IFT122: variants seen among roughly 807,000 people sequenced by gnomAD.
IFT122 encodes the protein intraflagellar transport protein 122 homolog.
IFT122 carries 118 observed loss-of-function variants against 161.6 expected under a neutral mutation model. That is an observed-to-expected ratio of 0.73 (90% CI 0.63 to 0.85). The LOEUF (loss-of-function observed/expected upper bound fraction) is 0.85. IFT122 is among the 40% of genes least tolerant of loss of function. The probability of loss-of-function intolerance (pLI) is 0.00; values close to 1 mark genes in which losing one functional copy is unlikely to be tolerated. For missense variants in IFT122, 1,381 were observed against 1,579.6 expected, an observed-to-expected ratio of 0.87 and a Z score of 2.13; for synonymous variants, 550 against 602.4, an observed-to-expected ratio of 0.91 and a Z score of 1.27.
chr3:129,483,107 C>T (rs1464652327), intron 14 of IFT122, among the ~76,000 whole-genome samples: 1 of 132,902 alleles, frequency 7.5e-6, no homozygotes, highest in Non-Finnish European at 1.7e-5. Context: ...CACTGCCCCT[C>T]CCTCTACACA....
chr3:129,440,348 G>A lies in IFT122; in HGVS notation c.18G>A (p.Thr6=). ...AAGCCGTGATGAGGGCCGTGTTGAC[G>A]TGGAGAGATAAAGCCGAGCACTGGT... MRAVL[T]WRDKAEHCIN... is the part of the protein sequence containing the mutation. Residue 6 remains threonine, a synonymous_variant, in exon 1 of 30, where the codon ACG becomes ACA. Coordinates refer to ENST00000348417, the MANE Select transcript of IFT122 (RefSeq NM_052989.3). The A allele has an allele frequency of 1.1e-5, 17 of 1,550,930 alleles. No homozygotes were observed. The highest frequency in any genetic ancestry group is 1.5e-5 in the Non-Finnish European group (17 of 1,146,850).
chr3:129,480,048 T>C, intron 13 of IFT122, 126 bp downstream of exon 13: 1 of 1,203,650 alleles, frequency 8.3e-7, no homozygotes, highest in Non-Finnish European at 1.2e-6. Context: ...CATGGGTGAA[T>C]TGTGGGGCAG....
intron 1 of IFT122, among the ~76,000 whole-genome samples, chr3:129,441,682 G>A (rs1340857211): frequency 6.6e-6 from 1 of 152,096 alleles, no homozygotes; most frequent in Non-Finnish European, 1.5e-5. Context: ...AATGGGAGAT[G>A]TTTATTTGCA....
Position 129,440,281 on chromosome 3 carries a change from G to T in IFT122, c.-50G>T. 1 of 1,549,174 alleles carries T rather than the reference G, an allele frequency of 6.5e-7. No individual in the cohort carries two copies. Among genetic ancestry groups the T allele is most frequent in the South Asian group, 1.2e-5 (1 of 83,982 alleles). ...CGACCGTTAGTGAGGCGGTTGCTGA[G>T]ACAGACGCTGAGGCGGGTAGGAGGA... On this transcript the variant is annotated 5_prime_UTR_variant, in exon 1 of 30. Transcript: ENST00000348417.
chr3:129,515,517 C>T lies in IFT122; in HGVS notation c.3183C>T (p.Ser1061=). The T allele has an allele frequency of 6.4e-7, 1 of 1,563,742 alleles. No homozygotes were observed. The highest frequency in any genetic ancestry group is 8.8e-7 in the Non-Finnish European group (1 of 1,137,648). ...EELVPLCYRC[S]TNNPLLNNLG... The stretch of plus-strand genomic sequence containing the variant: ...TGGTGCCCTTGTGCTACCGCTGCTC[C>T]ACCAACAACCCGCTGCTCAACAACC... The change falls in exon 26 of 30, where the codon TCC becomes TCT. Residue 1061 remains serine (S), a synonymous_variant. Transcript: ENST00000348417.
intron 6 of IFT122, 62 bp from the exon 7 acceptor site, chr3:129,464,573 T>C: frequency 6.2e-7 from 1 of 1,602,546 alleles, no homozygotes; most frequent in Non-Finnish European, 8.5e-7. Flanking sequence ...TCATCCTCAC[T>C]AGTTTTACCT....
intron 20 of IFT122, 62 bp from the exon 21 acceptor site, chr3:129,504,257 C>G: frequency 1.5e-6 from 2 of 1,327,828 alleles, no homozygotes; most frequent in South Asian, 2.3e-5. Flanking sequence ...CAGCCAAGTA[C>G]AGTGTTTTCA....
chr3:129,483,819 G>T, intron 15 of IFT122, 137 bp downstream of exon 15: 1 of 968,470 alleles, frequency 1.0e-6, no homozygotes. Flanking sequence ...GAGGCAGTCT[G>T]GGCCTGGAAC....
intron 27 of IFT122, among the ~76,000 whole-genome samples, chr3:129,518,705 C>T (rs543795381): frequency 6.6e-5 from 10 of 152,270 alleles, no homozygotes; most frequent in African/African-American, 2.4e-4. Flanking sequence ...TTCCAGGGAC[C>T]TCCAGGTGAG....
intron 15 of IFT122, among the ~76,000 whole-genome samples, chr3:129,484,052 T>G: frequency 6.9e-6 from 1 of 144,322 alleles, no homozygotes; most frequent in African/African-American, 2.6e-5. Flanking sequence ...TGTGTGATGG[T>G]GGTGATGTGT....
chr3:129,481,535 G>T lies in IFT122; in HGVS notation c.1494G>T (p.Leu498=). The T allele has an allele frequency of 2.5e-6, 4 of 1,570,474 alleles. No homozygotes were observed. Among genetic ancestry groups the T allele is most frequent in the Middle Eastern group, 1.7e-4 (1 of 5,960 alleles). Residue 498 remains leucine, a synonymous_variant, in exon 14 of 30, where the codon CTG becomes CTT. Coordinates refer to ENST00000348417, the MANE Select transcript of IFT122 (RefSeq NM_052989.3). ...LLVGLKNGQI[L]KIFVDNLFAI... is the part of the protein sequence containing the mutation. ...TTTCGCTGAAATTTTGCCAGATCCT[G>T]AAGATCTTCGTGGACAATCTCTTTG...
chr3:129,497,820 AC>A (rs3836536), intron 18 of IFT122, among the ~76,000 whole-genome samples: 11,650 of 152,242 alleles, frequency 0.077, 499 homozygotes, highest in South Asian at 0.1. Flanking sequence ...GTCCTGATTA[AC>A]GTGGCATATT....
intron 12 of IFT122, among the ~76,000 whole-genome samples, chr3:129,479,255 CAAAAAAA>C (rs547629384): frequency 4.3e-4 from 35 of 81,422 alleles, no homozygotes; most frequent in Non-Finnish European, 5.4e-4. Flanking sequence ...CCATCTCCAC[CAAAAAAA>C]AAAAAAAAAA....
At chr3:129,452,552 CTT>C (rs534076018) in intron 3 of IFT122, among the ~76,000 whole-genome samples, 96 of 152,198 alleles carry the variant, frequency 6.3e-4, no homozygotes, top group Non-Finnish European at 1.2e-3. Flanking sequence ...GAAGAGAGCT[CTT>C]TGCAGAGGAA....
At position 129,483,701 on chromosome 3, in the gene IFT122, C is replaced by T. The variant is rs1424329114; in HGVS notation, c.1851+19C>T. ...GCCGCAGGTAACTGGGGGTGCCTGTCCACTCTTAGCACTGGCAAGGCTGAC... is the reference window on the plus strand; with the variant it reads ...GCCGCAGGTAACTGGGGGTGCCTGTTCACTCTTAGCACTGGCAAGGCTGAC... On this transcript the variant is annotated intron_variant, in intron 15 of 29. Coordinates refer to ENST00000348417, the MANE Select transcript of IFT122 (RefSeq NM_052989.3). 1.9e-6 allele frequency: 3 copies of T among 1,569,094 alleles called. No homozygotes were observed. The highest frequency in any genetic ancestry group is 2.6e-6 in the Non-Finnish European group (3 of 1,156,310).
At chr3:129,446,512 G>C (rs895054766) in intron 1 of IFT122, among the ~76,000 whole-genome samples, 1 of 152,114 alleles carries the variant, frequency 6.6e-6, no homozygotes, top group Non-Finnish European at 1.5e-5. Flanking sequence ...ACCGCGCCCG[G>C]CCGACCCTAG....
chr3:129,504,194 A>C (rs1052154227), intron 20 of IFT122, 125 bp from the exon 21 acceptor site: 29 of 780,566 alleles, frequency 3.7e-5, no homozygotes, highest in Non-Finnish European at 6.0e-5. Context: ...TGGGGGAGGC[A>C]CTCTCCCCCT....
At chr3:129,506,054 G>A (rs1237015673) in intron 21 of IFT122, among the ~76,000 whole-genome samples, 1 of 152,142 alleles carries the variant, frequency 6.6e-6, no homozygotes, top group Non-Finnish European at 1.5e-5. Context: ...ATCACCTTAG[G>A]AGTCACAAAA....
chr3:129,474,104 A>C lies in IFT122; in HGVS notation c.817-2211A>C, dbSNP rs113586834. Among the ~76,000 whole-genome samples, 349 of 152,300 alleles carry C rather than the reference A, an allele frequency of 2.3e-3. 4 individuals carry two copies. The highest frequency in any genetic ancestry group is 8.1e-3 in the African/African-American group (336 of 41,556). Reference sequence around the variant, plus strand: ...TTTGAAATTCCTATACAGGAAAGGAAATTTGAATGTATTAAACTTATAATT... The same window carrying C: ...TTTGAAATTCCTATACAGGAAAGGACATTTGAATGTATTAAACTTATAATT... On this transcript the variant is annotated intron_variant, in intron 9 of 29. Coordinates refer to ENST00000348417, the MANE Select transcript of IFT122 (RefSeq NM_052989.3).
Sources: allele counts gnomAD v4.1 joint callset (sites outside exome capture counted in the v4.1 genomes callset), GRCh38; gene constraint gnomAD v4.1.1; transcripts MANE v1.5; gene names NCBI Gene and HGNC (gene_info 2026-07-23, HGNC 2026-07-21).